Variants in PTPRN2 observed in about 807,000 individuals in gnomAD.
The protein encoded by PTPRN2 is receptor-type tyrosine-protein phosphatase N2.
PTPRN2 carries 74 observed loss-of-function variants against 118.8 expected under a neutral mutation model. The observed-to-expected ratio is 0.62, with a 90% CI of 0.52 to 0.76. The LOEUF is 0.76. Among genes scored for constraint, PTPRN2 ranks in the 30% least tolerant of loss-of-function variants. The pLI is 0.00. For missense variants in PTPRN2, 1,481 were observed against 1,394.4 expected (o/e 1.06, Z -0.99); for synonymous variants, 641 against 608.0 (o/e 1.05, Z -0.80).
chr7:158,342,488 G>A (rs867343369), intron 2 of PTPRN2, among the ~76,000 whole-genome samples: 3 of 70,878 alleles, frequency 4.2e-5, no homozygotes, highest in African/African-American at 2.3e-4. Context: ...ACCTGCAGAC[G>A]TCACTCAAAC....
chr7:158,488,121 G>A (rs1467736508), intron 2 of PTPRN2, among the ~76,000 whole-genome samples: 3 of 152,070 alleles, frequency 2.0e-5, no homozygotes, highest in Admixed American at 6.5e-5. Flanking sequence ...GGCTACTTAC[G>A]GCTCCAATTA....
intron 12 of PTPRN2, among the ~76,000 whole-genome samples, chr7:157,851,200 C>T (rs1030638029): frequency 3.9e-5 from 6 of 152,340 alleles, no homozygotes; most frequent in African/African-American, 1.2e-4. Context: ...AGTCCCTTAA[C>T]GAGGCTGTTT....
At chr7:158,568,951 C>T (rs772820909) in intron 1 of PTPRN2, among the ~76,000 whole-genome samples, 1 of 152,072 alleles carries the variant, frequency 6.6e-6, no homozygotes, top group Non-Finnish European at 1.5e-5. Flanking sequence ...CATAGTGAGA[C>T]CCCATCTCTA....
chr7:157,778,517 C>G (rs1404512350), intron 12 of PTPRN2, among the ~76,000 whole-genome samples: 1 of 152,010 alleles, frequency 6.6e-6, no homozygotes, highest in Non-Finnish European at 1.5e-5. Flanking sequence ...TATCGAATGC[C>G]TATGTAAACA....
chr7:157,615,738 AG>A lies in PTPRN2; in HGVS notation c.2344+5623del. On this transcript the variant is annotated intron_variant, in intron 15 of 22. Transcript: ENST00000389418. This position sits in a 1 kb window ranked among gnomAD's most constrained non-coding sequence, Gnocchi z 4.3. ...GTGACGCAGTGACTCAGGAACCACA[AG>A]CTCTGGAGGCTGAACGAGAATCGGT... 1 of 397,800 alleles carries A rather than the reference AG, an allele frequency of 2.5e-6. No individual in the cohort carries two copies. The highest frequency in any genetic ancestry group is 5.2e-6 in the Non-Finnish European group (1 of 193,172). 24.6% of individuals were successfully genotyped at this position (397,800 alleles called of 1,614,324 possible). A position where few individuals can be genotyped will look rare whatever the true frequency, so the allele number is the denominator to read the frequency against.
chr7:157,544,546 G>A (rs1798184084), intron 22 of PTPRN2, among the ~76,000 whole-genome samples: 1 of 152,146 alleles, frequency 6.6e-6, no homozygotes, highest in African/African-American at 2.4e-5. Flanking sequence ...GTCCAGTGAG[G>A]AGGGGGCGGG....
intron 11 of PTPRN2, among the ~76,000 whole-genome samples, chr7:157,985,016 T>C (rs1803664783): frequency 6.6e-6 from 1 of 152,120 alleles, no homozygotes; most frequent in Non-Finnish European, 1.5e-5. Context: ...AAATCCCACC[T>C]GCAGGTGGTG....
chr7:157,936,293 T>C (rs1414432229), intron 11 of PTPRN2, among the ~76,000 whole-genome samples: 1 of 152,208 alleles, frequency 6.6e-6, no homozygotes, highest in Non-Finnish European at 1.5e-5. Flanking sequence ...CTCTGCTTTC[T>C]TGAGGTGACG....
At position 157,682,804 on chromosome 7, in the gene PTPRN2, T is replaced by G; in HGVS notation, c.1922A>C (p.His641Pro). ...LASGLIYCLR[H>P]SSQHRLKEKL... ...CTCCTTCAGCCTGTGCTGAGAGCTA[T>G]GGCGGAGGCAGTAGATGAGGCCAGA... Residue 641 changes from histidine (H) to proline (P), a missense_variant, in exon 13 of 23, where the codon CAT becomes CCT. Physicochemically the swap from His to Pro is moderately conservative, Grantham distance 77. This residue lies in a region of PTPRN2 where 1,115 missense variants were observed against 994.2 expected (regional missense o/e 1.12). Coordinates refer to ENST00000389418, the MANE Select transcript of PTPRN2 (RefSeq NM_002847.5). The G allele has an allele frequency of 4.3e-6, 7 of 1,614,118 alleles. No individual in the cohort carries two copies. Among genetic ancestry groups the G allele is most frequent in the Non-Finnish European group, 5.9e-6 (7 of 1,180,046 alleles).
At chr7:158,262,030 C>T (rs557739739) in intron 3 of PTPRN2, among the ~76,000 whole-genome samples, 3 of 152,270 alleles carry the variant, frequency 2.0e-5, no homozygotes, top group South Asian at 2.1e-4. Flanking sequence ...CCCCTGGTTC[C>T]CAGGTGCCAG....
At chr7:158,275,500 A>G (rs992728188) in intron 3 of PTPRN2, among the ~76,000 whole-genome samples, 8 of 152,226 alleles carry the variant, frequency 5.3e-5, no homozygotes, top group Non-Finnish European at 1.0e-4. Context: ...CGTGCACCCC[A>G]TGAATAAAGG....
intron 15 of PTPRN2, among the ~76,000 whole-genome samples, chr7:157,613,383 A>C (rs970898290): frequency 6.6e-6 from 1 of 152,184 alleles, no homozygotes; most frequent in East Asian, 1.9e-4. Context: ...GCGGGGAGAC[A>C]CGGGCGGAGG....
At chr7:158,519,013 CT>C (rs1410705693) in intron 1 of PTPRN2, among the ~76,000 whole-genome samples, 1 of 152,070 alleles carries the variant, frequency 6.6e-6, no homozygotes, top group Non-Finnish European at 1.5e-5. Flanking sequence ...AAAAACAATA[CT>C]TGGGCTCCAG....
chr7:158,124,886 G>A (rs80056270), intron 9 of PTPRN2, among the ~76,000 whole-genome samples: 3,178 of 152,338 alleles, frequency 0.021, 106 homozygotes, highest in African/African-American at 0.065. Flanking sequence ...AGTCCTCTTT[G>A]GGTTCAACGT....
rs187500158 is a variant in PTPRN2 at position 157,806,297 on chromosome 7, C to T, written c.1788+92376G>A. Reference sequence around the variant, plus strand: ...GCTCAAAAAGTTTTCGATTTGGGGGCATTTTGGGTTTTAGATCTGGGATGC... The same window carrying T: ...GCTCAAAAAGTTTTCGATTTGGGGGTATTTTGGGTTTTAGATCTGGGATGC... On this transcript the variant is annotated intron_variant, in intron 12 of 22. Transcript: ENST00000389418. 5.1e-3 allele frequency among the ~76,000 whole-genome samples: 769 copies of T among 152,176 alleles called. 24 individuals carry two copies. Among genetic ancestry groups the T allele is most frequent in the Admixed American group, 0.044 (670 of 15,296 alleles).
intron 17 of PTPRN2, among the ~76,000 whole-genome samples, chr7:157,589,859 C>T (rs1006547087): frequency 6.6e-5 from 10 of 152,364 alleles, no homozygotes; most frequent in Admixed American, 3.9e-4. Flanking sequence ...TTCCTTGTGA[C>T]GTCTGGGCTG....
At chr7:158,090,937 A>G (rs1028048099) in intron 10 of PTPRN2, among the ~76,000 whole-genome samples, 1 of 152,240 alleles carries the variant, frequency 6.6e-6, no homozygotes, top group African/African-American at 2.4e-5. Flanking sequence ...CACTTTAACC[A>G]CAGGAAAGAA....
At chr7:157,731,142 G>A (rs921367291) in intron 12 of PTPRN2, among the ~76,000 whole-genome samples, 6 of 152,096 alleles carry the variant, frequency 3.9e-5, no homozygotes, top group African/African-American at 1.4e-4. Context: ...TGCCCCCACT[G>A]AGAAGCTCCT....
At chr7:158,084,926 CCA>C (rs1813166249) in intron 10 of PTPRN2, among the ~76,000 whole-genome samples, 1 of 147,326 alleles carries the variant, frequency 6.8e-6, no homozygotes, top group Non-Finnish European at 1.5e-5. Context: ...CCACGCCCAT[CCA>C]CACCCTCGAC....
Sources: allele counts gnomAD v4.1 joint callset (sites outside exome capture counted in the v4.1 genomes callset), GRCh38; gene constraint gnomAD v4.1.1; regional missense constraint gnomAD v4.1.1; non-coding constraint Gnocchi (gnomAD v3.1); transcripts MANE v1.5; gene names NCBI Gene and HGNC (gene_info 2026-07-23, HGNC 2026-07-21).